CNTN5: variants seen among roughly 807,000 people sequenced by gnomAD.
CNTN5 encodes the protein contactin-5.
A neutral mutation model predicts 129.1 loss-of-function variants in CNTN5; 77 were observed. That is an observed-to-expected ratio of 0.60 (90% CI 0.50 to 0.72). The LOEUF is 0.72. CNTN5 is among the 30% of genes least tolerant of loss of function. The pLI is 0.00. For synonymous variants in CNTN5, 509 were observed against 465.6 expected (o/e 1.09, Z -1.20); for missense variants, 1,478 against 1,328.8 (o/e 1.11, Z -1.75).
intron 1 of CNTN5, among the ~76,000 whole-genome samples, chr11:99,169,500 G>A (rs903215277): frequency 3.3e-5 from 5 of 151,720 alleles, no homozygotes; most frequent in Non-Finnish European, 5.9e-5. Context: ...AATGAAAGAG[G>A]AAAAGAAAGA....
chr11:99,930,838 G>C (rs1950176339), intron 7 of CNTN5, among the ~76,000 whole-genome samples: 2 of 142,148 alleles, frequency 1.4e-5, no homozygotes, highest in African/African-American at 5.3e-5. Flanking sequence ...TTTTTACCAA[G>C]TAAAATAATG....
intron 3 of CNTN5, among the ~76,000 whole-genome samples, chr11:99,655,133 C>A (rs1306665051): frequency 6.6e-6 from 1 of 151,924 alleles, no homozygotes; most frequent in African/African-American, 2.4e-5. Flanking sequence ...AATTTGGGGT[C>A]TTCAAAAAAT....
chr11:100,114,805 G>A (rs1945784852), intron 13 of CNTN5, among the ~76,000 whole-genome samples: 1 of 152,014 alleles, frequency 6.6e-6, no homozygotes, highest in African/African-American at 2.4e-5. Context: ...TAGATAATGA[G>A]CACTTGCTGT....
At chr11:99,181,747 C>A (rs1858082646) in intron 1 of CNTN5, among the ~76,000 whole-genome samples, 3 of 152,130 alleles carry the variant, frequency 2.0e-5, no homozygotes, top group South Asian at 2.1e-4. Context: ...GCCTTAGGGG[C>A]AGGATCTGAT....
At chr11:99,797,045 C>T (rs943616783) in intron 3 of CNTN5, among the ~76,000 whole-genome samples, 3 of 152,070 alleles carry the variant, frequency 2.0e-5, no homozygotes, top group East Asian at 3.9e-4. Flanking sequence ...TGTCCTCCCT[C>T]TTCTGCCTGA....
At chr11:99,508,878 A>AC (rs1946729004) in intron 2 of CNTN5, among the ~76,000 whole-genome samples, 1 of 151,982 alleles carries the variant, frequency 6.6e-6, no homozygotes, top group Non-Finnish European at 1.5e-5. Flanking sequence ...ACGGGGTTTC[A>AC]CCAGATTGGC....
At chr11:99,339,625 C>A (rs963836660) in intron 2 of CNTN5, among the ~76,000 whole-genome samples, 2 of 151,660 alleles carry the variant, frequency 1.3e-5, no homozygotes, top group Non-Finnish European at 2.9e-5. Context: ...TAAAAAAATA[C>A]AAAAAAATTA....
rs138445624 is a variant in CNTN5, at chr11:99,735,541, C to T, written c.56-84003C>T. Among the ~76,000 whole-genome samples, 657 of 152,016 alleles carry T rather than the reference C, an allele frequency of 4.3e-3. 3 individuals are homozygous for T. The highest frequency in any genetic ancestry group is 0.015 in the African/African-American group (626 of 41,416). On this transcript the variant is annotated intron_variant, in intron 3 of 24. Transcript: ENST00000524871. ...ATCAGGAGATCAAAATTGTTTGATA[C>T]CTACTATGTGTTAGAATTGATACTG...
intron 3 of CNTN5, among the ~76,000 whole-genome samples, chr11:99,601,467 A>G (rs1392803862): frequency 6.6e-6 from 1 of 152,144 alleles, no homozygotes; most frequent in East Asian, 1.9e-4. Context: ...AAGATCCTTA[A>G]ATCACACCTT....
At chr11:99,579,043 A>ATCT (rs1949472546) in intron 3 of CNTN5, among the ~76,000 whole-genome samples, 3 of 152,004 alleles carry the variant, frequency 2.0e-5, no homozygotes, top group Admixed American at 2.0e-4. Context: ...TCAGCTTTCT[A>ATCT]CATATGGCTA....
chr11:99,859,473 G>C (rs1164142062), intron 6 of CNTN5, among the ~76,000 whole-genome samples: 3 of 152,118 alleles, frequency 2.0e-5, no homozygotes, highest in Admixed American at 2.0e-4. Flanking sequence ...TACTTAGCAT[G>C]GAACCCAGTA....
At chr11:99,201,321 GC>G (rs1446662797) in intron 1 of CNTN5, among the ~76,000 whole-genome samples, 3 of 81,438 alleles carry the variant, frequency 3.7e-5, no homozygotes, top group Non-Finnish European at 6.7e-5. Context: ...ACTGCGCCTG[GC>G]CCCTTCCTTC....
intron 16 of CNTN5, among the ~76,000 whole-genome samples, chr11:100,229,173 A>G (rs1270377449): frequency 6.6e-6 from 1 of 151,240 alleles, no homozygotes; most frequent in Admixed American, 6.7e-5. Context: ...ATCAAAGCCT[A>G]CATCAGCAGT....
At chr11:99,928,312 T>G (rs936176591) in intron 7 of CNTN5, among the ~76,000 whole-genome samples, 13 of 152,196 alleles carry the variant, frequency 8.5e-5, no homozygotes, top group African/African-American at 3.1e-4. Flanking sequence ...AATGGCCCTC[T>G]TCTCACAGCT....
chr11:99,913,111 C>T (rs1949704014), intron 6 of CNTN5, among the ~76,000 whole-genome samples: 1 of 152,004 alleles, frequency 6.6e-6, no homozygotes, highest in Non-Finnish European at 1.5e-5. Context: ...ACATGATAGA[C>T]ACTGAACCTG....
chr11:99,047,996 G>GA (rs35843415), intron 1 of CNTN5, among the ~76,000 whole-genome samples: 1 of 151,188 alleles, frequency 6.6e-6, no homozygotes, highest in East Asian at 1.9e-4. Context: ...TTCTTTTCAT[G>GA]AAAAAAAGCA....
chr11:99,083,033 AACAC>A (rs5793966), intron 1 of CNTN5, among the ~76,000 whole-genome samples: 4 of 150,082 alleles, frequency 2.7e-5, no homozygotes, highest in Admixed American at 6.6e-5. Context: ...AAATGATTTA[AACAC>A]ACACACACAC....
At chr11:99,706,911 A>G (rs966228903) in intron 3 of CNTN5, among the ~76,000 whole-genome samples, 2 of 151,032 alleles carry the variant, frequency 1.3e-5, no homozygotes, top group African/African-American at 4.9e-5. Context: ...AGTAGTTTGA[A>G]GTTCACAAAG....
chr11:99,716,547 A>T (rs1210522026), intron 3 of CNTN5, among the ~76,000 whole-genome samples: 3 of 151,924 alleles, frequency 2.0e-5, no homozygotes, highest in African/African-American at 7.2e-5. Context: ...ACTAACCTTA[A>T]CACATCCTGC....
Sources: allele counts gnomAD v4.1 joint callset (sites outside exome capture counted in the v4.1 genomes callset), GRCh38; gene constraint gnomAD v4.1.1; transcripts MANE v1.5; gene names NCBI Gene and HGNC (gene_info 2026-07-23, HGNC 2026-07-21).